DPF3: variants seen among roughly 807,000 people sequenced by gnomAD.
DPF3 encodes zinc finger protein DPF3.
In DPF3, 18 loss-of-function variants were observed where a neutral mutation model predicts 56.8. That is an observed-to-expected ratio of 0.32 (90% confidence interval 0.22 to 0.47). The LOEUF (loss-of-function observed/expected upper bound fraction) is 0.47, where lower values mean the gene tolerates loss of function less well. DPF3 is among the 20% of genes least tolerant of loss of function. DPF3 has a pLI of 1.00. For missense variants in DPF3, 403 were observed against 488.8 expected (o/e 0.82, Z 1.65); for synonymous variants, 188 against 180.2 (o/e 1.04, Z -0.35).
At position 72,616,924 on chromosome 14, in the gene DPF3, G is replaced by T. The variant is rs1884126437; in HGVS notation, c.*2373C>A. On this transcript the variant is annotated 3_prime_UTR_variant, in exon 11 of 11. Transcript: ENST00000556509. ...GGCTTGCTATCCCCGCTTTCCAGATGGGGAAACTGAGGCCTCCAAAGATGA... is the reference window on the plus strand; with the variant it reads ...GGCTTGCTATCCCCGCTTTCCAGATTGGGAAACTGAGGCCTCCAAAGATGA... Among the ~76,000 whole-genome samples the T allele has an allele frequency of 6.6e-6, 1 of 152,154 alleles. No individual in the cohort carries two copies. The highest frequency in any genetic ancestry group is 2.4e-5 in the African/African-American group (1 of 41,440).
chr14:72,839,364 C>A (rs760378521), intron 1 of DPF3, among the ~76,000 whole-genome samples: 30 of 152,130 alleles, frequency 2.0e-4, no homozygotes, highest in Non-Finnish European at 3.8e-4. Context: ...TTTGAGGGAC[C>A]TTTGGCAACA....
At chr14:72,871,182 C>T (rs1335831189) in intron 1 of DPF3, among the ~76,000 whole-genome samples, 1 of 152,204 alleles carries the variant, frequency 6.6e-6, no homozygotes, top group Non-Finnish European at 1.5e-5. Flanking sequence ...CCTCCCACAA[C>T]ATGTGGGAAT....
At chr14:72,716,927 CT>C (rs1180593033) in intron 5 of DPF3, among the ~76,000 whole-genome samples, 1 of 152,114 alleles carries the variant, frequency 6.6e-6, no homozygotes. Flanking sequence ...CATTGCCCCC[CT>C]AGTCCACCCT....
At chr14:72,830,805 C>T (rs534885482) in intron 1 of DPF3, among the ~76,000 whole-genome samples, 1 of 152,282 alleles carries the variant, frequency 6.6e-6, no homozygotes, top group South Asian at 2.1e-4. Flanking sequence ...GACAAATGAA[C>T]CCCTTGTCAC....
intron 2 of DPF3, among the ~76,000 whole-genome samples, chr14:72,753,587 G>A (rs994819563): frequency 2.6e-5 from 4 of 152,302 alleles, no homozygotes; most frequent in Admixed American, 2.6e-4. Context: ...ATGCTGTTCA[G>A]CAAGCCCATG....
chr14:72,836,228 C>T, intron 1 of DPF3: 1 of 985,582 alleles, frequency 1.0e-6, no homozygotes, highest in Non-Finnish European at 1.2e-6. Flanking sequence ...CAGATCATAT[C>T]ACATCTCTAC....
rs1883592633 is a variant in DPF3, at chr14:72,609,383, A to G, written c.*9914T>C. ...AGAGTGAGTCCCGGGTCAGGAGTCC[A>G]CATCAGGTGTGGGCTGCTTCCAATC... On this transcript the variant is annotated 3_prime_UTR_variant, in exon 11 of 11. Coordinates refer to ENST00000556509, the MANE Select transcript of DPF3 (RefSeq NM_001280542.3). Among the ~76,000 whole-genome samples, 1 of 152,186 alleles carries G rather than the reference A, an allele frequency of 6.6e-6. No homozygotes were observed.
At chr14:72,785,675 A>C (rs1892182931) in intron 1 of DPF3, among the ~76,000 whole-genome samples, 1 of 152,230 alleles carries the variant, frequency 6.6e-6, no homozygotes, top group Non-Finnish European at 1.5e-5. Flanking sequence ...CAAATAGCCC[A>C]GAAATAAACC....
intron 6 of DPF3, among the ~76,000 whole-genome samples, chr14:72,698,720 T>C (rs1888018633): frequency 3.3e-5 from 5 of 152,124 alleles, no homozygotes; most frequent in South Asian, 2.1e-4. Context: ...CACTATGGTT[T>C]AGTAGGTTTG....
chr14:72,893,966 G>C, intron 1 of DPF3, 91 bp downstream of exon 1: 2 of 1,500,094 alleles, frequency 1.3e-6, no homozygotes, highest in Non-Finnish European at 1.8e-6. Flanking sequence ...GCCTGCAAGC[G>C]CAATGCTCTG....
chr14:72,791,877 G>C (rs367726246), intron 1 of DPF3, among the ~76,000 whole-genome samples: 1 of 152,172 alleles, frequency 6.6e-6, no homozygotes, highest in African/African-American at 2.4e-5. Context: ...CCCTTTGAAT[G>C]ACAGGAGGCC....
At chr14:72,731,706 G>A (rs748641178) in intron 4 of DPF3, 101 bp downstream of exon 4, 72 of 1,502,178 alleles carry the variant, frequency 4.8e-5, no homozygotes, top group African/African-American at 2.5e-4. Context: ...ACTGAGCCCC[G>A]GCCCTTGAGG....
Position 72,722,398 on chromosome 14 carries a change from T to C in DPF3, c.525+1235A>G, listed in dbSNP as rs1399725053. 2.6e-5 allele frequency among the ~76,000 whole-genome samples: 4 copies of C among 152,304 alleles called. No homozygotes were observed. The East Asian group carries it at 5.8e-4, about 22-fold the overall frequency. Reference sequence around the variant, plus strand: ...GCTCAGTGTGTGCCGCGCTGGCCGATGTGCAGCGGCCGCCTGGGAACTTGC... The same window carrying C: ...GCTCAGTGTGTGCCGCGCTGGCCGACGTGCAGCGGCCGCCTGGGAACTTGC... On this transcript the variant is annotated intron_variant, in intron 5 of 10. Transcript: ENST00000556509.
At chr14:72,637,951 T>C (rs1334958455) in intron 8 of DPF3, among the ~76,000 whole-genome samples, 2 of 152,126 alleles carry the variant, frequency 1.3e-5, no homozygotes, top group Admixed American at 6.5e-5. Flanking sequence ...AATCTAGAAA[T>C]CTAAAGGACT....
intron 1 of DPF3, among the ~76,000 whole-genome samples, chr14:72,839,970 G>C (rs1211333768): frequency 6.6e-6 from 1 of 152,218 alleles, no homozygotes; most frequent in Admixed American, 6.5e-5. Context: ...ACCCAGGCTT[G>C]AATTTCAGCA....
intron 3 of DPF3, among the ~76,000 whole-genome samples, chr14:72,733,366 A>G (rs1166718469): frequency 6.6e-6 from 1 of 151,748 alleles, no homozygotes; most frequent in African/African-American, 2.4e-5. Context: ...GAGGTGATTA[A>G]GGGATCTGAC....
chr14:72,649,104 A>C (rs2803978), intron 8 of DPF3, among the ~76,000 whole-genome samples: 5,635 of 151,982 alleles, frequency 0.037, 251 homozygotes, highest in African/African-American at 0.097. Flanking sequence ...TGTCTTCTAT[A>C]CACTTGTTAT....
chr14:72,753,953 CACATG>C (rs1890684221), intron 2 of DPF3, among the ~76,000 whole-genome samples: 1 of 151,934 alleles, frequency 6.6e-6, no homozygotes, highest in South Asian at 2.1e-4. Context: ...GTGACCAGGC[CACATG>C]ACCTGCAGAG....
intron 6 of DPF3, 89 bp from the exon 7 acceptor site, chr14:72,693,302 T>A: frequency 7.0e-7 from 1 of 1,437,068 alleles, no homozygotes; most frequent in Non-Finnish European, 9.4e-7. Flanking sequence ...AGTGATCCCA[T>A]CCATCCACCC....
Sources: gnomAD v4.1 joint callset for allele counts (sites outside exome capture counted in the v4.1 genomes callset) on GRCh38, gnomAD v4.1.1 for gene constraint, MANE v1.5 for transcripts, NCBI Gene and HGNC (gene_info 2026-07-23, HGNC 2026-07-21) for gene names.